The following COMTD1 variants were observed in gnomAD, a reference collection of about 807,000 sequenced individuals.
COMTD1 encodes the protein catechol O-methyltransferase domain-containing protein 1.
In COMTD1, 35 loss-of-function variants were observed where a neutral mutation model predicts 33.6. That is an observed-to-expected ratio of 1.04 (90% CI 0.80 to 1.38). COMTD1 has a LOEUF of 1.38. COMTD1 is among the 40% of genes most tolerant of loss of function. COMTD1 has a pLI of 0.00. For synonymous variants in COMTD1, 160 were observed against 176.8 expected (o/e 0.91, Z 0.75); for missense variants, 370 against 363.4 (o/e 1.02, Z -0.15).
rs1157729757 is a variant in COMTD1 at position 75,234,590 on chromosome 10, C to T, written c.636+20G>A. ...CGGCCCGACAGGGTGCTTTCTCCTC[C>T]CCCGCAGTGGATCCCTTACTCTGAG... On this transcript the variant is annotated intron_variant, in intron 6 of 6. Transcript: ENST00000372538. 6.5e-7 allele frequency: 1 copy of T among 1,547,138 alleles called. No homozygotes were observed. Among genetic ancestry groups the T allele is most frequent in the Non-Finnish European group, 8.7e-7 (1 of 1,145,944 alleles).
Position 75,235,662 on chromosome 10 carries a change from A to T in COMTD1, c.176T>A (p.Leu59Gln). ...CGGGTGCTCCCGCATGGAGCGGCTCAGAAGATACTGCCACAGGCGGCTGTC... is the reference window on the plus strand; with the variant it reads ...CGGGTGCTCCCGCATGGAGCGGCTCTGAAGATACTGCCACAGGCGGCTGTC... ...PEDSRLWQYL[L>Q]SRSMREHPAL... Residue 59 changes from leucine to glutamine, a missense_variant, in exon 2 of 7, where the codon CTG (leucine) becomes CAG (glutamine). Physicochemically the swap from Leu to Gln is moderately radical, Grantham distance 113 (BLOSUM62 -2). Coordinates refer to ENST00000372538, the MANE Select transcript of COMTD1 (RefSeq NM_144589.4). 1 of 1,598,720 alleles carries T rather than the reference A, an allele frequency of 6.3e-7. No homozygotes were observed. The highest frequency in any genetic ancestry group is 1.1e-5 in the South Asian group (1 of 88,760).
chr10:75,234,776 G>A (rs1270683488), intron 5 of COMTD1, 33 bp from the exon 6 acceptor site: 5 of 1,553,092 alleles, frequency 3.2e-6, no homozygotes, highest in African/African-American at 2.8e-5. Flanking sequence ...GTGCGGCTGA[G>A]TCCGCGGCCC....
chr10:75,234,695 A>T lies in COMTD1; in HGVS notation c.551T>A (p.Val184Glu). 6.3e-7 allele frequency: 1 copy of T among 1,591,442 alleles called. No individual in the cohort carries two copies. The highest frequency in any genetic ancestry group is 8.5e-7 in the Non-Finnish European group (1 of 1,170,268). Residue 184 changes from valine (V) to glutamate (E), a missense_variant, in exon 6 of 7, where the codon GTG (valine) becomes GAG (glutamate). Coordinates refer to ENST00000372538, the MANE Select transcript of COMTD1 (RefSeq NM_144589.4). ...GGAGCAGTTCTCCTTGTCCGCATCCACCACGGCCACGTCGAAGGTGCCGGC... is the reference window on the plus strand; with the variant it reads ...GGAGCAGTTCTCCTTGTCCGCATCCTCCACGGCCACGTCGAAGGTGCCGGC... ...GEAGTFDVAV[V>E]DADKENCSAY...
At position 75,235,065 on chromosome 10, in the gene COMTD1, T is replaced by G; in HGVS notation, c.442A>C (p.Arg148=). ...AGCTAGGCGCGGGCGCTCACCTGCC[T>G]CCACAGGGGCCGTCCCAGCTCCGGG... The part of the protein sequence containing the change: ...QPPELGRPLW[R]QAEAEHKIDL... The change falls in exon 4 of 7, where the codon AGG becomes CGG. Residue 148 remains arginine (R), a synonymous_variant. Coordinates refer to ENST00000372538, the MANE Select transcript of COMTD1 (RefSeq NM_144589.4). The G allele has an allele frequency of 7.0e-7, 1 of 1,436,454 alleles. No individual in the cohort carries two copies. The highest frequency in any genetic ancestry group is 1.5e-5 in the South Asian group (1 of 68,042). The allele number at this position is 1,436,454 out of a possible 1,614,324, so 89.0% of individuals were successfully genotyped here.
intron 2 of COMTD1, 59 bp from the exon 3 acceptor site, chr10:75,235,431 T>G: frequency 7.2e-7 from 1 of 1,382,510 alleles, no homozygotes; most frequent in East Asian, 2.6e-5. Flanking sequence ...GCCCTGGGGG[T>G]CCCAAGCCCC....
At chr10:75,234,904 A>G in intron 5 of COMTD1, 34 bp downstream of exon 5, 1 of 1,536,430 alleles carries the variant, frequency 6.5e-7, no homozygotes, top group South Asian at 1.2e-5. Context: ...TTTGCAATGA[A>G]TGGCTTCAAA....
At chr10:75,235,454 C>A in intron 2 of COMTD1, 82 bp from the exon 3 acceptor site, 1 of 1,352,518 alleles carries the variant, frequency 7.4e-7, no homozygotes, top group South Asian at 1.5e-5. Flanking sequence ...GGGCGCGGTT[C>A]TGGGCGTGGC....
At chr10:75,234,299 G>A (rs1590019601) in intron 6 of COMTD1, 74 bp from the exon 7 acceptor site, 12 of 1,458,994 alleles carry the variant, frequency 8.2e-6, no homozygotes, top group East Asian at 7.0e-5. Flanking sequence ...GAAGGCGGGG[G>A]ACTGGGAGGG....
chr10:75,235,637 C>T lies in COMTD1; in HGVS notation c.201G>A (p.Pro67=), dbSNP rs1271481719. The change falls in exon 2 of 7, where the codon CCG becomes CCA. Residue 67 remains proline (P), a synonymous_variant. Transcript: ENST00000372538. ...TGACCAGCCTCAGGCTTCGCAGCGC[C>T]GGGTGCTCCCGCATGGAGCGGCTCA... ...YLLSRSMREH[P]ALRSLRLLTL... is the part of the protein sequence containing the mutation. 6 of 1,593,708 alleles carry T rather than the reference C, an allele frequency of 3.8e-6. No individual in the cohort carries two copies. Among genetic ancestry groups the T allele is most frequent in the African/African-American group, 2.7e-5 (2 of 74,308 alleles).
intron 6 of COMTD1, 111 bp from the exon 7 acceptor site, chr10:75,234,336 TG>T (rs1232813974): frequency 1.0e-5 from 10 of 995,338 alleles, no homozygotes; most frequent in Non-Finnish European, 1.1e-5. Context: ...GGCGGGGTCT[TG>T]GAGGGAGGTG....
rs750602114 is a variant in COMTD1, at chr10:75,235,356, G to A, written c.239C>T (p.Pro80Leu). The A allele has an allele frequency of 1.1e-5, 17 of 1,576,976 alleles. No individual in the cohort carries two copies. In the Admixed American group the frequency reaches 2.9e-4, roughly 27 times the overall value. The change falls in exon 3 of 7, where the codon CCG becomes CTG. Residue 80 changes from proline to leucine, a missense_variant. Physicochemically the swap from Pro to Leu is moderately conservative, Grantham distance 98 (BLOSUM62 -3). Transcript: ENST00000372538. ...GCAGGTCATCATAGAATCCCCCTGCGGCTGCTCCAGGGTCAGCTGCGTGAA... is the reference window on the plus strand; with the variant it reads ...GCAGGTCATCATAGAATCCCCCTGCAGCTGCTCCAGGGTCAGCTGCGTGAA... ...RSLRLLTLEQ[P>L]QGDSMMTCEQ...
In COMTD1 at chr10:75,235,176, T is replaced by A. The variant is rs1403421272; in HGVS notation, c.331A>T (p.Thr111Ser). ...IQAKKALDLG[T>S]FTGYSALALA... ...GCCAGGGCGGAGTAGCCCGTGAAGGTGCCTGGGACCAGGACACAGACGGGC... is the reference window on the plus strand; with the variant it reads ...GCCAGGGCGGAGTAGCCCGTGAAGGAGCCTGGGACCAGGACACAGACGGGC... Residue 111 changes from threonine to serine, a missense_variant and splice_region_variant, in exon 4 of 7, where the codon ACC (threonine) becomes TCC (serine). Transcript: ENST00000372538. 4.3e-6 allele frequency: 6 copies of A among 1,407,572 alleles called. No individual in the cohort carries two copies. Among genetic ancestry groups the A allele is most frequent in the Non-Finnish European group, 5.5e-6 (6 of 1,086,652 alleles). The allele number at this position is 1,407,572 out of a possible 1,614,324, so 87.2% of individuals were successfully genotyped here. A position where few individuals can be genotyped will look rare whatever the true frequency, so the allele number is the denominator to read the frequency against.
Position 75,234,618 on chromosome 10 carries a change from C to T in COMTD1, c.628G>A (p.Val210Ile). ...QLLRPGGILAVLRVLWRGKVL... is the reference protein window; with the variant it reads ...QLLRPGGILAILRVLWRGKVL... Reference sequence around the variant, plus strand: ...CGCAGTGGATCCCTTACTCTGAGGACGGCGAGGATGCCTCCGGGTCGCAGC... The same window carrying T: ...CGCAGTGGATCCCTTACTCTGAGGATGGCGAGGATGCCTCCGGGTCGCAGC... The change falls in exon 6 of 7, where the codon GTC becomes ATC. Residue 210 changes from valine (V) to isoleucine (I), a missense_variant. By Grantham distance (29) the Val-to-Ile change is conservative. Transcript: ENST00000372538. The T allele has an allele frequency of 6.4e-7, 1 of 1,562,052 alleles. No individual in the cohort carries two copies. The highest frequency in any genetic ancestry group is 8.7e-7 in the Non-Finnish European group (1 of 1,153,740).
At chr10:75,234,479 C>A in intron 6 of COMTD1, 131 bp downstream of exon 6, 1 of 1,343,294 alleles carries the variant, frequency 7.4e-7, no homozygotes, top group Non-Finnish European at 1.0e-6. Flanking sequence ...GTACCGGGGC[C>A]GGAGCCCCGG....
chr10:75,235,634 CGCCG>C lies in COMTD1; in HGVS notation c.200_203del (p.Pro67ArgfsTer5), dbSNP rs1564720363. The C allele has an allele frequency of 5.0e-6, 8 of 1,593,854 alleles. No homozygotes were observed. In the South Asian group the frequency reaches 9.0e-5, roughly 18 times the overall value. On this transcript the variant is annotated frameshift_variant, in exon 2 of 7. Transcript: ENST00000372538. LOFTEE classifies it high-confidence loss of function. ...TGCTGACCAGCCTCAGGCTTCGCAG[CGCCG>C]GGTGCTCCCGCATGGAGCGGCTCAG...
In COMTD1 at chr10:75,234,676, G is replaced by C; in HGVS notation, c.570C>G (p.Asn190Lys). ...GGCAGCGCTCGTAGTAGGCGGAGCA[G>C]TTCTCCTTGTCCGCATCCACCACGG... The part of the protein sequence containing the change: ...DVAVVDADKE[N>K]CSAYYERCLQ... Residue 190 changes from asparagine (N) to lysine (K), a missense_variant, in exon 6 of 7, where the codon AAC becomes AAG. By Grantham distance (94) the Asn-to-Lys change is moderately conservative. Coordinates refer to ENST00000372538, the MANE Select transcript of COMTD1 (RefSeq NM_144589.4). 6.3e-7 allele frequency: 1 copy of C among 1,585,428 alleles called. No homozygotes were observed. The highest frequency in any genetic ancestry group is 8.6e-7 in the Non-Finnish European group (1 of 1,166,574).
Position 75,235,936 on chromosome 10 carries a change from G to T in COMTD1, c.-8C>A, listed in dbSNP as rs1413599598. 9 of 1,442,716 alleles carry T rather than the reference G, an allele frequency of 6.2e-6. No homozygotes were observed. Among genetic ancestry groups the T allele is most frequent in the South Asian group, 1.4e-5 (1 of 70,714 alleles). 89.4% of individuals were successfully genotyped at this position (1,442,716 alleles called of 1,614,324 possible). On this transcript the variant is annotated 5_prime_UTR_variant, in exon 1 of 7. Transcript: ENST00000372538. ...GGGCACCGGCTGGGTCATGGCGCGG[G>T]CAGGAGGCGGCGGGAGGCAGTGACA...
Position 75,233,845 on chromosome 10 carries a change from T to C in COMTD1, c.*228A>G. ...TCCTGCCAGCTGGAGGTTCCTGCAG[T>C]TGGGCCACAGACCTGGCGCCAGGGA... is the stretch of plus-strand genomic sequence containing the variant. On this transcript the variant is annotated 3_prime_UTR_variant, in exon 7 of 7. Transcript: ENST00000372538. The C allele has an allele frequency of 8.7e-7, 1 of 1,153,722 alleles. No homozygotes were observed. The highest frequency in any genetic ancestry group is 1.2e-6 in the Non-Finnish European group (1 of 849,476). The allele number at this position is 1,153,722 out of a possible 1,614,324, so 71.5% of individuals were successfully genotyped here. A position where few individuals can be genotyped will look rare whatever the true frequency, so the allele number is the denominator to read the frequency against.
At position 75,234,763 on chromosome 10, in the gene COMTD1, C is replaced by CA. The variant is rs775618381; in HGVS notation, c.503-21dup. On this transcript the variant is annotated intron_variant, in intron 5 of 6. Coordinates refer to ENST00000372538, the MANE Select transcript of COMTD1 (RefSeq NM_144589.4). ...GCTCGTCTTGCGGGGGGAGGGAGGG[C>CA]AGGTGCGGCTGAGTCCGCGGCCCCG... is the stretch of plus-strand genomic sequence containing the variant. 3 of 1,566,578 alleles carry CA rather than the reference C, an allele frequency of 1.9e-6. No homozygotes were observed. The highest frequency in any genetic ancestry group is 2.3e-4 in the Middle Eastern group (1 of 4,364).
Sources: allele counts gnomAD v4.1 joint callset, GRCh38; gene constraint gnomAD v4.1.1; transcripts MANE v1.5; gene names NCBI Gene and HGNC (gene_info 2026-07-23, HGNC 2026-07-21).